Variants in AGAP1 observed in about 807,000 individuals in gnomAD.
AGAP1 encodes arf-GAP with GTPase, ANK repeat and PH domain-containing protein 1.
AGAP1 carries 29 observed loss-of-function variants against 105.3 expected under a neutral mutation model. The observed-to-expected ratio is 0.28, with a 90% CI of 0.21 to 0.38. The LOEUF (loss-of-function observed/expected upper bound fraction) is 0.38. AGAP1 is among the 10% of genes least tolerant of loss of function. AGAP1 has a pLI of 1.00. For missense variants in AGAP1, 998 were observed against 1,165.1 expected (o/e 0.86, Z 2.09); for synonymous variants, 509 against 485.9 (o/e 1.05, Z -0.63).
rs561091989 is a variant in AGAP1, at chr2:235,769,894, T to TAAC, written c.673+19406_673+19407insAAC. ...ATCCAGTCCTTTCCAAGGACTTTGG[T>TAAC]TTTCCAGAGTTACACTTCACATGTA... is the stretch of plus-strand genomic sequence containing the variant. On this transcript the variant is annotated intron_variant, in intron 6 of 17. Coordinates refer to ENST00000304032, the MANE Select transcript of AGAP1 (RefSeq NM_001037131.3). The surrounding 1 kb of genome is among the most constrained non-coding windows in gnomAD (Gnocchi z 4.4). Among the ~76,000 whole-genome samples, 11 of 148,188 alleles carry TAAC rather than the reference T, an allele frequency of 7.4e-5. No individual in the cohort carries two copies. In the East Asian group the frequency reaches 2.1e-3, roughly 29 times the overall value.
chr2:235,898,387 A>T (rs866425316), intron 10 of AGAP1, among the ~76,000 whole-genome samples: 14 of 150,506 alleles, frequency 9.3e-5, no homozygotes, highest in African/African-American at 3.2e-4. Flanking sequence ...TACCATATAC[A>T]TGCCTCCCCC....
Position 235,957,130 on chromosome 2 carries a change from A to G in AGAP1, c.1484-11332A>G, listed in dbSNP as rs1300628963. 3.3e-5 allele frequency among the ~76,000 whole-genome samples: 5 copies of G among 151,948 alleles called. No individual in the cohort carries two copies. In the East Asian group the frequency reaches 5.8e-4, roughly 18 times the overall value. ...ATCTCAGAACATTTTCATCGTCTCAAAAAGGAAACTCTGTTCTTGAATTGG... is the reference window on the plus strand; with the variant it reads ...ATCTCAGAACATTTTCATCGTCTCAGAAAGGAAACTCTGTTCTTGAATTGG... On this transcript the variant is annotated intron_variant, in intron 12 of 17. Coordinates refer to ENST00000304032, the MANE Select transcript of AGAP1 (RefSeq NM_001037131.3). The surrounding 1 kb of genome is among the most constrained non-coding windows in gnomAD (Gnocchi z 4.6).
intron 16 of AGAP1, among the ~76,000 whole-genome samples, chr2:236,102,772 G>A (rs10209712): frequency 0.037 from 5,693 of 152,142 alleles, 361 homozygotes; most frequent in African/African-American, 0.13. Flanking sequence ...TAAACGTCCC[G>A]TGTTTTGTTG....
In AGAP1 at chr2:235,635,843, A is replaced by G. The variant is rs183044358; in HGVS notation, c.164-73336A>G. ...AAAAGTCTCATCTTAGACCGGGCAC[A>G]GTGACTCATGCCTGTAATCCCAGCA... On this transcript the variant is annotated intron_variant, in intron 1 of 17. Transcript: ENST00000304032. This position sits in a 1 kb window ranked among gnomAD's most constrained non-coding sequence, Gnocchi z 5.3. Among the ~76,000 whole-genome samples the G allele has an allele frequency of 1.8e-4, 28 of 152,250 alleles. No homozygotes were observed. The East Asian group carries it at 5.0e-3, about 27-fold the overall frequency.
chr2:235,842,968 C>T lies in AGAP1; in HGVS notation c.1050+35637C>T, dbSNP rs1170773783. On this transcript the variant is annotated intron_variant, in intron 9 of 17. Coordinates refer to ENST00000304032, the MANE Select transcript of AGAP1 (RefSeq NM_001037131.3). This position sits in a 1 kb window ranked among gnomAD's most constrained non-coding sequence, Gnocchi z 5.3. ...TCTTGAACTCCTGACCTCAGGTGAT[C>T]GGCCCGCCTCGGCCTCCCAAAGTGC... Among the ~76,000 whole-genome samples, 1 of 152,324 alleles carries T rather than the reference C, an allele frequency of 6.6e-6. No homozygotes were observed. Among genetic ancestry groups the T allele is most frequent in the African/African-American group, 2.4e-5 (1 of 41,560 alleles).
At chr2:235,854,113 T>A (rs2106468202) in intron 9 of AGAP1, among the ~76,000 whole-genome samples, 1 of 152,090 alleles carries the variant, frequency 6.6e-6, no homozygotes, top group Middle Eastern at 3.4e-3. Flanking sequence ...CTAGAGAGAG[T>A]GGAGCCGCTG....
rs963502695 is a variant in AGAP1 at position 235,852,936 on chromosome 2, T to C, written c.1051-30409T>C. On this transcript the variant is annotated intron_variant, in intron 9 of 17. Transcript: ENST00000304032. ...CTGTTTGTCCTGACTTCAGCGCATCTCTGATAGACCTTTGACACCTTCCAA... is the reference window on the plus strand; with the variant it reads ...CTGTTTGTCCTGACTTCAGCGCATCCCTGATAGACCTTTGACACCTTCCAA... The C allele has an allele frequency of 5.4e-6, 7 of 1,291,970 alleles. No homozygotes were observed. In the African/African-American group the frequency reaches 1.1e-4, roughly 19 times the overall value. The allele number at this position is 1,291,970 out of a possible 1,614,324, so 80.0% of individuals were successfully genotyped here.
At position 235,799,315 on chromosome 2, in the gene AGAP1, C is replaced by T; in HGVS notation, c.802-52C>T. The T allele has an allele frequency of 1.9e-6, 3 of 1,587,970 alleles. No individual in the cohort carries two copies. Among genetic ancestry groups the T allele is most frequent in the Non-Finnish European group, 2.6e-6 (3 of 1,165,164 alleles). On this transcript the variant is annotated intron_variant, in intron 7 of 17. Transcript: ENST00000304032. The surrounding 1 kb of genome is among the most constrained non-coding windows in gnomAD (Gnocchi z 5.0). The stretch of plus-strand genomic sequence containing the variant: ...GTTATGACCTTGCCTAAGTGGAGGT[C>T]TTGGGTTCCTGAGTATGTCGTTAAT...
rs568725818 is a variant in AGAP1 at position 235,728,654 on chromosome 2, ATT to A, written c.310+11013_310+11014del. On this transcript the variant is annotated intron_variant, in intron 3 of 17. Transcript: ENST00000304032. This position sits in a 1 kb window ranked among gnomAD's most constrained non-coding sequence, Gnocchi z 4.3. ...AGGGCAGCCCATGTCGCCAGCATTT[ATT>A]TTCTGAGCCCCATTTCTTAATGTTG... is the stretch of plus-strand genomic sequence containing the variant. Among the ~76,000 whole-genome samples the A allele has an allele frequency of 1.7e-4, 26 of 152,178 alleles. 1 individual carries two copies. The East Asian group carries it at 4.8e-3, about 28-fold the overall frequency.
At chr2:235,980,998 C>T (rs1300066302) in intron 13 of AGAP1, among the ~76,000 whole-genome samples, 2 of 152,160 alleles carry the variant, frequency 1.3e-5, no homozygotes, top group Admixed American at 6.5e-5. Flanking sequence ...CTGTTATGCT[C>T]TTAATTCTGA....
intron 1 of AGAP1, 137 bp from the exon 2 acceptor site, chr2:235,709,042 G>A (rs1357426984): frequency 3.6e-6 from 3 of 832,226 alleles, no homozygotes; most frequent in African/African-American, 1.7e-5. Flanking sequence ...TGATCTTTCT[G>A]GGGTGAGAGT....
intron 16 of AGAP1, among the ~76,000 whole-genome samples, chr2:236,102,009 C>G (rs573108705): frequency 3.9e-5 from 6 of 152,186 alleles, no homozygotes; most frequent in Non-Finnish European, 7.3e-5. Context: ...AGGCTGGGCC[C>G]GGTGGCTCAT....
In AGAP1 at chr2:235,754,656, C is replaced by T. The variant is rs1023554398; in HGVS notation, c.673+4168C>T. On this transcript the variant is annotated intron_variant, in intron 6 of 17. Coordinates refer to ENST00000304032, the MANE Select transcript of AGAP1 (RefSeq NM_001037131.3). This position sits in a 1 kb window ranked among gnomAD's most constrained non-coding sequence, Gnocchi z 4.6. ...GTTTACTTTGCTTTCATGGAGTTTC[C>T]AGATGGCTACTGGCAAGTGGCTGTA... is the stretch of plus-strand genomic sequence containing the variant. Among the ~76,000 whole-genome samples, 2 of 152,158 alleles carry T rather than the reference C, an allele frequency of 1.3e-5. No individual in the cohort carries two copies. The highest frequency in any genetic ancestry group is 4.8e-5 in the African/African-American group (2 of 41,438).
rs753544633 is a variant in AGAP1 at position 236,101,942 on chromosome 2, A to G, written c.2115-18250A>G. On this transcript the variant is annotated intron_variant, in intron 16 of 17. Coordinates refer to ENST00000304032, the MANE Select transcript of AGAP1 (RefSeq NM_001037131.3). This position sits in a 1 kb window ranked among gnomAD's most constrained non-coding sequence, Gnocchi z 4.9. ...GGCTTAGCTATGTTTCTGTGCAAACATACTCACACACAGTTTCCAAATGAA... is the reference window on the plus strand; with the variant it reads ...GGCTTAGCTATGTTTCTGTGCAAACGTACTCACACACAGTTTCCAAATGAA... Among the ~76,000 whole-genome samples, 36 of 152,238 alleles carry G rather than the reference A, an allele frequency of 2.4e-4. No homozygotes were observed. The highest frequency in any genetic ancestry group is 3.5e-4 in the Non-Finnish European group (24 of 68,042).
chr2:236,049,091 C>G lies in AGAP1; in HGVS notation c.1924C>G (p.Leu642Val). Reference protein sequence around the residue: ...PNWASLNLGALMCIECSGIHR... With the variant: ...PNWASLNLGAVMCIECSGIHR... ...CTGGGCCAGTTTGAACTTGGGAGCC[C>G]TCATGTGCATCGAATGCTCAGGGAT... The change falls in exon 16 of 18, where the codon CTC becomes GTC. Residue 642 changes from leucine (L) to valine (V), a missense_variant. This residue lies in a region of AGAP1 where 28 missense variants were observed against 61.0 expected (regional missense o/e 0.46). Transcript: ENST00000304032. 6.2e-7 allele frequency: 1 copy of G among 1,614,206 alleles called. No homozygotes were observed. The highest frequency in any genetic ancestry group is 2.2e-5 in the East Asian group (1 of 44,888).
intron 1 of AGAP1, among the ~76,000 whole-genome samples, chr2:235,562,616 T>A (rs1199082171): frequency 6.6e-6 from 1 of 152,146 alleles, no homozygotes; most frequent in African/African-American, 2.4e-5. Flanking sequence ...AAAACCCTCC[T>A]CCACATGCCT....
chr2:235,512,837 AGTT>A (rs1332739742), intron 1 of AGAP1, among the ~76,000 whole-genome samples: 1 of 152,164 alleles, frequency 6.6e-6, no homozygotes, highest in Non-Finnish European at 1.5e-5. Context: ...CTCTCCAGGA[AGTT>A]GTTGAGATAC....
In AGAP1 at chr2:235,610,110, G is replaced by A. The variant is rs1243833247; in HGVS notation, c.164-99069G>A. On this transcript the variant is annotated intron_variant, in intron 1 of 17. Transcript: ENST00000304032. The surrounding 1 kb of genome is among the most constrained non-coding windows in gnomAD (Gnocchi z 4.9). ...TTTAGCTCCTAGTCACAGATATGGT[G>A]ACAGGCTTGTCTCCACCATTGGAGT... is the stretch of plus-strand genomic sequence containing the variant. 6.6e-6 allele frequency among the ~76,000 whole-genome samples: 1 copy of A among 152,160 alleles called. No individual in the cohort carries two copies. Among genetic ancestry groups the A allele is most frequent in the Non-Finnish European group, 1.5e-5 (1 of 68,042 alleles).
At chr2:236,099,276 C>A (rs1437211187) in intron 16 of AGAP1, among the ~76,000 whole-genome samples, 1 of 151,818 alleles carries the variant, frequency 6.6e-6, no homozygotes, top group African/African-American at 2.4e-5. Context: ...CAGGGTGAAA[C>A]CCCATCTCTA....
Sources: allele counts gnomAD v4.1 joint callset (sites outside exome capture counted in the v4.1 genomes callset), GRCh38; gene constraint gnomAD v4.1.1; regional missense constraint gnomAD v4.1.1; non-coding constraint Gnocchi (gnomAD v3.1); transcripts MANE v1.5; gene names NCBI Gene and HGNC (gene_info 2026-07-23, HGNC 2026-07-21).